The following RAD52 variants were observed in gnomAD, a reference collection of about 807,000 sequenced individuals.
RAD52 encodes RAD52 DNA repair protein.
A neutral mutation model predicts 55.5 loss-of-function variants in RAD52; 47 were observed. The observed-to-expected ratio is 0.85, with a 90% CI of 0.67 to 1.08. The LOEUF (loss-of-function observed/expected upper bound fraction) is 1.08. RAD52 is among the 50% of genes least tolerant of loss of function. The probability of loss-of-function intolerance (pLI) is 0.00; values close to 1 mark genes in which losing one functional copy is unlikely to be tolerated. For synonymous variants in RAD52, 184 were observed against 198.9 expected, an observed-to-expected ratio of 0.92 and a Z score of 0.63; for missense variants, 468 against 522.8, an observed-to-expected ratio of 0.90 and a Z score of 1.02.
Position 920,555 on chromosome 12 carries a change from G to A in RAD52, c.544-3735C>T, listed in dbSNP as rs1272441760. Among the ~76,000 whole-genome samples, 5 of 142,266 alleles carry A rather than the reference G, an allele frequency of 3.5e-5. No homozygotes were observed. The East Asian group carries it at 6.1e-4, about 17-fold the overall frequency. The allele number at this position is 142,266 out of a possible 152,430, so 93.3% of individuals were successfully genotyped here. A position where few individuals can be genotyped will look rare whatever the true frequency, so the allele number is the denominator to read the frequency against. On this transcript the variant is annotated intron_variant, in intron 7 of 11. Transcript: ENST00000358495. The stretch of plus-strand genomic sequence containing the variant: ...AGCCTGGGCGACAGAGTGAGACTCC[G>A]TCTCAAAAAAAAAAAAAAGAATGTC...
chr12:932,957 T>C lies in RAD52; in HGVS notation c.84+18A>G. 1 of 1,613,160 alleles carries C rather than the reference T, an allele frequency of 6.2e-7. No individual in the cohort carries two copies. Among genetic ancestry groups the C allele is most frequent in the Non-Finnish European group, 8.5e-7 (1 of 1,179,430 alleles). ...CACTTCACCTCATTCTTTCCCGGCATGAAGGAACCACAGTTACCTGTCCAA... is the reference window on the plus strand; with the variant it reads ...CACTTCACCTCATTCTTTCCCGGCACGAAGGAACCACAGTTACCTGTCCAA... On this transcript the variant is annotated intron_variant, in intron 2 of 11. Coordinates refer to ENST00000358495, the MANE Select transcript of RAD52 (RefSeq NM_134424.4).
chr12:915,493 T>C (rs1200050387), intron 9 of RAD52, among the ~76,000 whole-genome samples: 1 of 152,160 alleles, frequency 6.6e-6, no homozygotes, highest in Non-Finnish European at 1.5e-5. Flanking sequence ...CCTTTCTCTG[T>C]TTCCACTCTC....
At chr12:955,498 G>C (rs1348236447) in intron 1 of RAD52, among the ~76,000 whole-genome samples, 1 of 149,722 alleles carries the variant, frequency 6.7e-6, no homozygotes, top group East Asian at 1.9e-4. Flanking sequence ...TTTTGAGACG[G>C]AGTCTCACTC....
chr12:939,632 C>T (rs1038608800), intron 1 of RAD52, among the ~76,000 whole-genome samples: 5 of 152,224 alleles, frequency 3.3e-5, no homozygotes, highest in Non-Finnish European at 7.3e-5. Flanking sequence ...CTTCAACATA[C>T]TTAGAAGACT....
At chr12:968,217 T>C (rs1431812543) in intron 1 of RAD52, among the ~76,000 whole-genome samples, 1 of 152,138 alleles carries the variant, frequency 6.6e-6, no homozygotes, top group East Asian at 1.9e-4. Context: ...CTTGCAGCAA[T>C]CTGGGAGGCA....
intron 1 of RAD52, 111 bp from the exon 2 acceptor site, chr12:933,187 A>G (rs904422576): frequency 1.3e-5 from 9 of 717,646 alleles, no homozygotes; most frequent in South Asian, 3.4e-5. Flanking sequence ...GGCCAGGCAC[A>G]GTGGCTCATG....
intron 1 of RAD52, among the ~76,000 whole-genome samples, chr12:967,580 C>T (rs923181704): frequency 4.6e-5 from 7 of 151,832 alleles, no homozygotes; most frequent in Non-Finnish European, 8.8e-5. Flanking sequence ...ATGCACATCC[C>T]TGCCTATGTC....
In RAD52 at chr12:913,941, G is replaced by C. The variant is rs1956223568; in HGVS notation, c.1148C>G (p.Ser383Cys). 1.2e-6 allele frequency: 2 copies of C among 1,614,082 alleles called. No homozygotes were observed. The highest frequency in any genetic ancestry group is 1.7e-6 in the Non-Finnish European group (2 of 1,180,040). ...SVCHQKPQAK[S>C]GSWDLQTYSA... is the part of the protein sequence containing the mutation. The stretch of plus-strand genomic sequence containing the variant: ...ATAAGTTTGGAGGTCCCAAGATCCA[G>C]ATTTTGCTTGTGGTTTCTGGTGGCA... Residue 383 changes from serine (S) to cysteine (C), a missense_variant, in exon 11 of 12, where the codon TCT (serine) becomes TGT (cysteine). Transcript: ENST00000358495.
At chr12:945,809 G>A (rs1175154508) in intron 1 of RAD52, among the ~76,000 whole-genome samples, 2 of 150,610 alleles carry the variant, frequency 1.3e-5, no homozygotes, top group Non-Finnish European at 1.5e-5. Context: ...CAGATCATGA[G>A]GTCAGGAGTT....
chr12:982,156 C>T (rs1376744652), intron 1 of RAD52, among the ~76,000 whole-genome samples: 1 of 152,090 alleles, frequency 6.6e-6, no homozygotes, highest in Non-Finnish European at 1.5e-5. Flanking sequence ...AACTCTGTTG[C>T]CTCATCCTTT....
intron 1 of RAD52, among the ~76,000 whole-genome samples, chr12:944,740 T>C (rs1363682185): frequency 6.7e-6 from 1 of 149,800 alleles, no homozygotes; most frequent in African/African-American, 2.4e-5. Flanking sequence ...TTCTTCTCCA[T>C]TTCCTTATCA....
chr12:927,338 G>A, intron 5 of RAD52, 75 bp from the exon 6 acceptor site: 1 of 1,117,468 alleles, frequency 8.9e-7, no homozygotes, highest in Non-Finnish European at 1.4e-6. Flanking sequence ...TCCTCAAGCA[G>A]CAGGGTTCAA....
At chr12:966,990 G>C (rs952281540) in intron 1 of RAD52, among the ~76,000 whole-genome samples, 12 of 151,936 alleles carry the variant, frequency 7.9e-5, no homozygotes, top group African/African-American at 2.7e-4. Flanking sequence ...ACTGAGTTCT[G>C]TGTGGGTGGA....
intron 1 of RAD52, among the ~76,000 whole-genome samples, chr12:940,720 C>T (rs939687526): frequency 7.9e-5 from 12 of 151,882 alleles, no homozygotes; most frequent in Non-Finnish European, 1.0e-4. Flanking sequence ...ACCACCTCCC[C>T]GACAAAAAAG....
chr12:983,252 C>T (rs1248229764), intron 1 of RAD52, among the ~76,000 whole-genome samples: 1 of 152,020 alleles, frequency 6.6e-6, no homozygotes, highest in Non-Finnish European at 1.5e-5. Context: ...ATTACAGCAG[C>T]ACTCCACTTC....
chr12:920,471 G>C (rs1167934023), intron 7 of RAD52, among the ~76,000 whole-genome samples: 2 of 149,600 alleles, frequency 1.3e-5, no homozygotes, highest in Non-Finnish European at 1.5e-5. Flanking sequence ...GCAGGAGAAT[G>C]GTGTGAACCC....
intron 1 of RAD52, among the ~76,000 whole-genome samples, chr12:960,211 A>AT (rs1322269934): frequency 6.6e-6 from 1 of 152,192 alleles, no homozygotes; most frequent in Non-Finnish European, 1.5e-5. Flanking sequence ...AAATGTGTGG[A>AT]TGCAGGGGCA....
At chr12:987,925 T>G (rs1043468361) in intron 1 of RAD52, among the ~76,000 whole-genome samples, 32 of 151,890 alleles carry the variant, frequency 2.1e-4, no homozygotes, top group African/African-American at 7.5e-4. Context: ...GGGGTGCAGC[T>G]TCCTAAAGTG....
upstream of RAD52, among the ~76,000 whole-genome samples, chr12:953,876 G>C (rs960932976): frequency 5.3e-5 from 8 of 152,226 alleles, no homozygotes; most frequent in South Asian, 1.0e-3. Flanking sequence ...AACTGTGTGA[G>C]AGCGTTCCGT....
Sources: gnomAD v4.1 joint callset for allele counts (sites outside exome capture counted in the v4.1 genomes callset) on GRCh38, gnomAD v4.1.1 for gene constraint, MANE v1.5 for transcripts, NCBI Gene and HGNC (gene_info 2026-07-23, HGNC 2026-07-21) for gene names.